The following FOXP1 variants were observed in gnomAD, a reference collection of about 807,000 sequenced individuals.
The protein encoded by FOXP1 is forkhead box protein P1.
Under a neutral mutation model 98.2 loss-of-function variants are expected in FOXP1, and 15 were observed. The ratio of observed to expected loss-of-function variants is 0.15; its 90% CI spans 0.10 to 0.24. The LOEUF is 0.24. FOXP1 is among the 10% of genes least tolerant of loss of function. The pLI, the probability that FOXP1 is intolerant of heterozygous loss-of-function variation, is 1.00. For synonymous variants in FOXP1, 371 were observed against 314.5 expected (o/e 1.18, Z -1.90); for missense variants, 633 against 848.5 (o/e 0.75, Z 3.15).
rs774665288 is a variant in FOXP1 at position 70,978,037 on chromosome 3, G to GA, written c.1147-9dup. 7.4e-6 allele frequency: 12 copies of GA among 1,613,132 alleles called. No individual in the cohort carries two copies. The highest frequency in any genetic ancestry group is 4.5e-5 in the East Asian group (2 of 44,882). ...ACTTGATACCAGATTCAACTGCAAGGAAAAAAACAACGTCTTAGAAGACCT... is the reference window on the plus strand; with the variant it reads ...ACTTGATACCAGATTCAACTGCAAGGAAAAAAAACAACGTCTTAGAAGACCT... On this transcript the variant is annotated splice_polypyrimidine_tract_variant and intron_variant, in intron 14 of 20. Transcript: ENST00000649528.
intron 2 of FOXP1, among the ~76,000 whole-genome samples, chr3:71,501,911 G>A (rs1164938003): frequency 2.6e-5 from 4 of 152,144 alleles, no homozygotes; most frequent in African/African-American, 9.7e-5. Context: ...AAGCTCTTTG[G>A]TTTCTTTCGC....
chr3:71,026,706 ACCAATCTCC>A (rs1052918879), intron 11 of FOXP1, among the ~76,000 whole-genome samples: 26 of 152,248 alleles, frequency 1.7e-4, no homozygotes, highest in African/African-American at 6.3e-4. Context: ...TAACCATGTC[ACCAATCTCC>A]CCTATCTCCC....
At position 71,165,492 on chromosome 3, in the gene FOXP1, G is replaced by A. The variant is rs532977932; in HGVS notation, c.180+32710C>T. On this transcript the variant is annotated intron_variant, in intron 6 of 20. Coordinates refer to ENST00000649528, the MANE Select transcript of FOXP1 (RefSeq NM_001349338.3). ...GGTAATAATTTTTTCTTAGGTGTGA[G>A]AGCTGGTTTCGCTATATAAAAATTT... Among the ~76,000 whole-genome samples, 10 of 152,266 alleles carry A rather than the reference G, an allele frequency of 6.6e-5. No individual in the cohort carries two copies. In the South Asian group the frequency reaches 2.1e-3, roughly 32 times the overall value.
chr3:71,579,223 T>C (rs1332703401), intron 2 of FOXP1, among the ~76,000 whole-genome samples: 1 of 152,150 alleles, frequency 6.6e-6, no homozygotes, highest in Non-Finnish European at 1.5e-5. Flanking sequence ...TTGGGGATAG[T>C]TTATCCCAGA....
At chr3:71,446,036 GGTGAGTGAGTGA>G (rs34045911) in intron 3 of FOXP1, among the ~76,000 whole-genome samples, 441 of 149,286 alleles carry the variant, frequency 3.0e-3, no homozygotes, top group Middle Eastern at 6.8e-3. Context: ...ACAACTCATA[GGTGAGTGAGTGA>G]GTGAGTGAGT....
At chr3:71,129,817 G>A (rs1329396310) in intron 6 of FOXP1, among the ~76,000 whole-genome samples, 1 of 152,198 alleles carries the variant, frequency 6.6e-6, no homozygotes, top group Non-Finnish European at 1.5e-5. Flanking sequence ...CCAAGTCCAA[G>A]GGCTTTTCCT....
chr3:71,533,430 A>G (rs183926885), intron 2 of FOXP1, among the ~76,000 whole-genome samples: 26 of 152,284 alleles, frequency 1.7e-4, no homozygotes, highest in Admixed American at 1.5e-3. Flanking sequence ...CCTCTAGCTT[A>G]CTTTATTGTC....
At position 71,581,845 on chromosome 3, in the gene FOXP1, G is replaced by A. The variant is rs2048197042; in HGVS notation, c.-446-148C>T. 6 of 986,180 alleles carry A rather than the reference G, an allele frequency of 6.1e-6. No individual in the cohort carries two copies. In the African/African-American group the frequency reaches 7.0e-5, roughly 11 times the overall value. 61.1% of individuals were successfully genotyped at this position (986,180 alleles called of 1,614,324 possible). A position where few individuals can be genotyped will look rare whatever the true frequency, so the allele number is the denominator to read the frequency against. On this transcript the variant is annotated intron_variant, in intron 1 of 20. Coordinates refer to ENST00000649528, the MANE Select transcript of FOXP1 (RefSeq NM_001349338.3). ...CGAGGACCCGCGAGTGCGCGTGGAG[G>A]GAAGAGAGGATGCGGCTCAGGGAAT...
chr3:71,378,245 A>C (rs2079876865), intron 3 of FOXP1, among the ~76,000 whole-genome samples: 1 of 152,104 alleles, frequency 6.6e-6, no homozygotes, highest in Admixed American at 6.6e-5. Flanking sequence ...TAGTATCAGT[A>C]ACTAACAGAA....
chr3:71,485,208 A>G (rs2090560224), intron 3 of FOXP1, among the ~76,000 whole-genome samples: 1 of 152,176 alleles, frequency 6.6e-6, no homozygotes. Flanking sequence ...TGGTTTATCA[A>G]CGACTAGATT....
intron 6 of FOXP1, among the ~76,000 whole-genome samples, chr3:71,117,668 G>C (rs1170642632): frequency 6.6e-6 from 1 of 152,126 alleles, no homozygotes; most frequent in Non-Finnish European, 1.5e-5. Context: ...GATCAACTCT[G>C]ACTCAAGTTC....
chr3:71,261,587 AAG>A (rs1026109348), intron 5 of FOXP1, among the ~76,000 whole-genome samples: 1 of 152,188 alleles, frequency 6.6e-6, no homozygotes, highest in African/African-American at 2.4e-5. Flanking sequence ...CCCACAATAA[AAG>A]AACACAGAAT....
chr3:71,158,849 T>C (rs1042230298), intron 6 of FOXP1, among the ~76,000 whole-genome samples: 4 of 151,914 alleles, frequency 2.6e-5, no homozygotes, highest in Non-Finnish European at 5.9e-5. Flanking sequence ...CTCATGCCTG[T>C]AATCCCAGCA....
At chr3:71,355,138 G>A (rs751045767) in intron 4 of FOXP1, among the ~76,000 whole-genome samples, 14 of 152,180 alleles carry the variant, frequency 9.2e-5, no homozygotes, top group Non-Finnish European at 2.1e-4. Context: ...GGTGATGTGT[G>A]TAGCTTTGTT....
intron 5 of FOXP1, among the ~76,000 whole-genome samples, chr3:71,279,172 CAAAAAAAAAAAA>C (rs11308828): frequency 2.9e-5 from 2 of 69,790 alleles, no homozygotes; most frequent in Non-Finnish European, 5.5e-5. Flanking sequence ...AACTCCATCT[CAAAAAAAAAAAA>C]AAAAAAAAAG....
chr3:70,958,289 A>G lies in FOXP1; in HGVS notation c.*958T>C, dbSNP rs1575645431. 1 of 534,678 alleles carries G rather than the reference A, an allele frequency of 1.9e-6. No individual in the cohort carries two copies. Among genetic ancestry groups the G allele is most frequent in the South Asian group, 1.5e-5 (1 of 65,208 alleles). 33.1% of individuals were successfully genotyped at this position (534,678 alleles called of 1,614,324 possible). ...ATACTGCTGCGTGGAATGAATCGGC[A>G]TTGTTCCTAGAGTTTGTCTCTCTTT... On this transcript the variant is annotated 3_prime_UTR_variant, in exon 21 of 21. Transcript: ENST00000649528.
Position 70,977,777 on chromosome 3 carries a change from A to G in FOXP1, c.1348+51T>C, listed in dbSNP as rs145661073. On this transcript the variant is annotated intron_variant, in intron 15 of 20. Transcript: ENST00000649528. Reference sequence around the variant, plus strand: ...TCACTTTTTCAAAAGGGGCTGGTCTACAAGAATTGCAGATTACAACTCTAC... The same window carrying G: ...TCACTTTTTCAAAAGGGGCTGGTCTGCAAGAATTGCAGATTACAACTCTAC... The G allele has an allele frequency of 1.0e-4, 167 of 1,608,632 alleles. 1 individual carries two copies. The East Asian group carries it at 3.4e-3, about 33-fold the overall frequency.
chr3:71,105,081 C>T (rs972042426), intron 7 of FOXP1, among the ~76,000 whole-genome samples: 2 of 152,296 alleles, frequency 1.3e-5, no homozygotes, highest in East Asian at 3.9e-4. Context: ...CACGTTGCTT[C>T]GACATCTTCA....
chr3:71,255,522 A>C (rs1206932401), intron 5 of FOXP1, among the ~76,000 whole-genome samples: 1 of 152,122 alleles, frequency 6.6e-6, no homozygotes, highest in Admixed American at 6.6e-5. Flanking sequence ...TAGGCTAATA[A>C]ATTTCTTTTG....
Sources: gnomAD v4.1 joint callset for allele counts (sites outside exome capture counted in the v4.1 genomes callset) on GRCh38, gnomAD v4.1.1 for gene constraint, MANE v1.5 for transcripts, NCBI Gene and HGNC (gene_info 2026-07-23, HGNC 2026-07-21) for gene names.